Variants in DCLK2 observed in about 807,000 individuals in gnomAD.
DCLK2 encodes the protein doublecortin like kinase 2, also known as serine/threonine-protein kinase DCLK2.
DCLK2 carries 31 observed loss-of-function variants against 78.4 expected under a neutral mutation model. The observed-to-expected ratio is 0.40, with a 90% CI of 0.30 to 0.53. The LOEUF is 0.53. Ranked by LOEUF, DCLK2 falls within the 20% of genes least tolerant of loss-of-function variation. The pLI is 0.61. For synonymous variants in DCLK2, 407 were observed against 374.9 expected (o/e 1.09, Z -0.99); for missense variants, 872 against 973.7 (o/e 0.90, Z 1.39).
chr4:150,238,166 A>G (rs765936349), intron 10 of DCLK2, among the ~76,000 whole-genome samples: 3 of 152,096 alleles, frequency 2.0e-5, no homozygotes, highest in Non-Finnish European at 4.4e-5. Context: ...TCATGCTACC[A>G]CTTAGAGATA....
chr4:150,255,858 C>A (rs530899306), intron 15 of DCLK2, among the ~76,000 whole-genome samples, 162 bp from the exon 16 acceptor site: 1 of 152,076 alleles, frequency 6.6e-6, no homozygotes, highest in Non-Finnish European at 1.5e-5. Context: ...GGTGGGTTCC[C>A]GAAACCATTA....
intron 2 of DCLK2, among the ~76,000 whole-genome samples, chr4:150,145,868 A>G (rs1420096011): frequency 6.6e-6 from 1 of 152,238 alleles, no homozygotes; most frequent in Non-Finnish European, 1.5e-5. Context: ...AATGACTCTC[A>G]AAAATGTAGA....
chr4:150,238,162 TAC>T (rs2126592440), intron 10 of DCLK2, among the ~76,000 whole-genome samples: 1 of 152,330 alleles, frequency 6.6e-6, no homozygotes, highest in East Asian at 1.9e-4. Flanking sequence ...TCCTTCATGC[TAC>T]CACTTAGAGA....
chr4:150,232,959 G>C, intron 10 of DCLK2, 131 bp downstream of exon 10: 1 of 1,173,186 alleles, frequency 8.5e-7, no homozygotes, highest in Non-Finnish European at 1.2e-6. Context: ...AAATTAGCAA[G>C]ACTTATGTCA....
At chr4:150,181,821 AG>A (rs1414295415) in intron 2 of DCLK2, among the ~76,000 whole-genome samples, 1 of 152,172 alleles carries the variant, frequency 6.6e-6, no homozygotes, top group Non-Finnish European at 1.5e-5. Context: ...TCCTGTAGAA[AG>A]GGTCCTTCCC....
chr4:150,212,163 A>C (rs1179246336), intron 5 of DCLK2, among the ~76,000 whole-genome samples: 1 of 152,216 alleles, frequency 6.6e-6, no homozygotes, highest in Non-Finnish European at 1.5e-5. Flanking sequence ...GGTTGAAAGA[A>C]GGAAGAAAAA....
intron 8 of DCLK2, among the ~76,000 whole-genome samples, chr4:150,229,685 A>G (rs570163299): frequency 4.1e-4 from 62 of 152,320 alleles, no homozygotes; most frequent in African/African-American, 1.3e-3. Flanking sequence ...ATGTCCAAAG[A>G]TAAGGCAGTG....
At chr4:150,181,623 TTA>T (rs1244092173) in intron 2 of DCLK2, among the ~76,000 whole-genome samples, 2 of 151,806 alleles carry the variant, frequency 1.3e-5, no homozygotes, top group East Asian at 3.9e-4. Flanking sequence ...CAGTGTTTTT[TTA>T]TTTTTTAGGA....
chr4:150,120,797 G>T (rs1732474337), intron 2 of DCLK2, among the ~76,000 whole-genome samples: 1 of 152,162 alleles, frequency 6.6e-6, no homozygotes, highest in African/African-American at 2.4e-5. Flanking sequence ...GGCTGGGCAT[G>T]GTGGCTCACA....
At chr4:150,232,564 A>G (rs1347368502) in intron 9 of DCLK2, 108 bp downstream of exon 9, 3 of 1,532,452 alleles carry the variant, frequency 2.0e-6, no homozygotes, top group Non-Finnish European at 2.7e-6. Context: ...CATTATTTAT[A>G]ATCGCCGATT....
chr4:150,130,017 G>T (rs1257185461), intron 2 of DCLK2, among the ~76,000 whole-genome samples: 1 of 152,106 alleles, frequency 6.6e-6, no homozygotes, highest in Non-Finnish European at 1.5e-5. Flanking sequence ...TATATCTAGA[G>T]CAATTTAGCA....
At chr4:150,210,948 C>CTAA (rs1740255825) in intron 5 of DCLK2, among the ~76,000 whole-genome samples, 1 of 80,422 alleles carries the variant, frequency 1.2e-5, no homozygotes, top group African/African-American at 4.6e-5. Context: ...GACTCTGTCT[C>CTAA]AAAAAAAAAA....
intron 10 of DCLK2, among the ~76,000 whole-genome samples, chr4:150,233,140 C>G (rs28468660): frequency 6.6e-6 from 1 of 152,060 alleles, no homozygotes; most frequent in African/African-American, 2.4e-5. Context: ...CCTCAGGAGA[C>G]TTACAATCAT....
chr4:150,163,276 T>C (rs1735835640), intron 2 of DCLK2, among the ~76,000 whole-genome samples: 1 of 152,112 alleles, frequency 6.6e-6, no homozygotes, highest in Non-Finnish European at 1.5e-5. Flanking sequence ...CAGGCACCTA[T>C]AGTTCCAGCC....
At chr4:150,254,001 A>G (rs1744373965) in intron 15 of DCLK2, 1 of 745,300 alleles carries the variant, frequency 1.3e-6, no homozygotes, top group South Asian at 6.1e-5. Context: ...CCTTGGTTTC[A>G]GGCAGGGCTG....
At chr4:150,146,347 C>T (rs1378115723) in intron 2 of DCLK2, among the ~76,000 whole-genome samples, 1 of 152,204 alleles carries the variant, frequency 6.6e-6, no homozygotes, top group Non-Finnish European at 1.5e-5. Flanking sequence ...TACAATTTCA[C>T]AAAGTCCTCA....
intron 2 of DCLK2, among the ~76,000 whole-genome samples, chr4:150,107,972 A>G (rs891587109): frequency 6.6e-6 from 1 of 152,140 alleles, no homozygotes; most frequent in Non-Finnish European, 1.5e-5. Context: ...TCCTGACTCA[A>G]AAAATGAATG....
chr4:150,161,260 C>T (rs947391145), intron 2 of DCLK2, among the ~76,000 whole-genome samples: 6 of 152,134 alleles, frequency 3.9e-5, no homozygotes, highest in South Asian at 2.1e-4. Flanking sequence ...GTCTTGTAAA[C>T]CAGTAATAAA....
At chr4:150,255,974 G>A (rs750006491) in intron 15 of DCLK2, 46 bp from the exon 16 acceptor site, 11 of 1,594,486 alleles carry the variant, frequency 6.9e-6, no homozygotes, top group South Asian at 1.1e-5. Flanking sequence ...GCTGGGACCC[G>A]AGCCTGGGCC....
Sources: allele counts gnomAD v4.1 joint callset (sites outside exome capture counted in the v4.1 genomes callset), GRCh38; gene constraint gnomAD v4.1.1; transcripts MANE v1.5; gene names NCBI Gene and HGNC (gene_info 2026-07-23, HGNC 2026-07-21).